The following MTX2 variants were observed in gnomAD, a reference collection of about 807,000 sequenced individuals.
MTX2 encodes the protein metaxin-2.
In MTX2, 35 loss-of-function variants were observed where a neutral mutation model predicts 42.3. That is an observed-to-expected ratio of 0.83 (90% CI 0.63 to 1.10). The LOEUF (loss-of-function observed/expected upper bound fraction) is 1.10. MTX2 is among the 50% of genes least tolerant of loss of function. The pLI, the probability that MTX2 is intolerant of heterozygous loss-of-function variation, is 0.00. For synonymous variants in MTX2, 119 were observed against 100.9 expected, an observed-to-expected ratio of 1.18 and a Z score of -1.08; for missense variants, 307 against 304.1, an observed-to-expected ratio of 1.01 and a Z score of -0.07.
At position 176,269,453 on chromosome 2, in the gene MTX2, G is replaced by C; in HGVS notation, c.-177G>C. The C allele has an allele frequency of 1.5e-6, 1 of 654,266 alleles. No homozygotes were observed. The highest frequency in any genetic ancestry group is 2.4e-6 in the Non-Finnish European group (1 of 415,358). 40.5% of individuals were successfully genotyped at this position (654,266 alleles called of 1,614,324 possible). ...CGGCTGCGCCGGAAGTCCCTAGCCA[G>C]GCCTGGCGGTAACCTTGGGGGCCTC... On this transcript the variant is annotated 5_prime_UTR_variant, in exon 1 of 10. Coordinates refer to ENST00000249442, the MANE Select transcript of MTX2 (RefSeq NM_006554.5).
intron 1 of MTX2, among the ~76,000 whole-genome samples, chr2:176,296,299 A>G (rs1683879809): frequency 6.6e-6 from 1 of 152,162 alleles, no homozygotes; most frequent in Admixed American, 6.6e-5. Context: ...CAAGGCAATG[A>G]AATCTTCTGG....
At chr2:176,273,718 G>A (rs556765630) in intron 1 of MTX2, among the ~76,000 whole-genome samples, 2 of 151,702 alleles carry the variant, frequency 1.3e-5, no homozygotes, top group Non-Finnish European at 2.9e-5. Flanking sequence ...CTCAGTTATC[G>A]TTCCTAAATA....
At chr2:176,332,349 T>C (rs1684882307) in intron 9 of MTX2, among the ~76,000 whole-genome samples, 1 of 151,318 alleles carries the variant, frequency 6.6e-6, no homozygotes, top group Admixed American at 6.6e-5. Flanking sequence ...CATTACTTTG[T>C]GAGATACTAT....
chr2:176,327,711 A>G (rs368332211), intron 5 of MTX2, among the ~76,000 whole-genome samples: 1 of 150,686 alleles, frequency 6.6e-6, no homozygotes, highest in Admixed American at 6.6e-5. Flanking sequence ...TCTTATATAT[A>G]CATCTTTGTA....
chr2:176,337,618 T>G lies in MTX2; in HGVS notation c.746T>G (p.Ile249Ser). Residue 249 changes from isoleucine to serine, a missense_variant, in exon 10 of 10, where the codon ATT (isoleucine) becomes AGT (serine). By Grantham distance (142) the Ile-to-Ser change is moderately radical. Coordinates refer to ENST00000249442, the MANE Select transcript of MTX2 (RefSeq NM_006554.5). ...YSNLLAFCRR[I>S]EQHYFEDRGK... ...AACCTCCTTGCTTTCTGTAGGAGAA[T>G]TGAACAGCACTATTTTGAAGATCGT... 1 of 1,613,046 alleles carries G rather than the reference T, an allele frequency of 6.2e-7. No homozygotes were observed. Among genetic ancestry groups the G allele is most frequent in the Non-Finnish European group, 8.5e-7 (1 of 1,179,422 alleles).
chr2:176,287,403 A>C (rs866364325), intron 1 of MTX2, among the ~76,000 whole-genome samples: 2 of 152,234 alleles, frequency 1.3e-5, no homozygotes. Flanking sequence ...TCCAAAATCC[A>C]AAACTTTTTG....
intron 3 of MTX2, chr2:176,304,198 A>C (rs1353037064): frequency 6.5e-6 from 1 of 154,388 alleles, no homozygotes; most frequent in Non-Finnish European, 1.5e-5. Flanking sequence ...CCCTTGAATG[A>C]ATAGCATCTT....
chr2:176,278,054 T>G (rs925007752), intron 1 of MTX2, among the ~76,000 whole-genome samples: 9 of 135,682 alleles, frequency 6.6e-5, no homozygotes, highest in African/African-American at 1.4e-4. Context: ...TTTTTTTTTT[T>G]TTTTTTTTTT....
At chr2:176,305,961 T>A (rs187676842) in intron 3 of MTX2, among the ~76,000 whole-genome samples, 47 of 152,278 alleles carry the variant, frequency 3.1e-4, no homozygotes, top group Middle Eastern at 3.4e-3. Context: ...ATGTGCACAA[T>A]GTGCAGGTTT....
intron 3 of MTX2, among the ~76,000 whole-genome samples, chr2:176,312,602 G>A (rs892026922): frequency 3.3e-5 from 5 of 151,944 alleles, no homozygotes; most frequent in Admixed American, 6.6e-5. Context: ...GGTGTCTCAC[G>A]CCTGTAATCC....
Position 176,269,551 on chromosome 2 carries a change from C to A in MTX2, c.-79C>A. 1 of 1,475,220 alleles carries A rather than the reference C, an allele frequency of 6.8e-7. No homozygotes were observed. 91.4% of individuals were successfully genotyped at this position (1,475,220 alleles called of 1,614,324 possible). A position where few individuals can be genotyped will look rare whatever the true frequency, so the allele number is the denominator to read the frequency against. On this transcript the variant is annotated 5_prime_UTR_variant, in exon 1 of 10. Transcript: ENST00000249442. ...TGGCGGGGCTAGGCTCGTTAACTGC[C>A]GAGAGCCTCCGGGTTTGCGGTGGAG...
intron 3 of MTX2, among the ~76,000 whole-genome samples, chr2:176,311,049 T>C (rs1022454259): frequency 4.6e-5 from 7 of 152,220 alleles, no homozygotes; most frequent in Admixed American, 2.0e-4. Context: ...CTACCTTTGG[T>C]CTTTGATGTT....
chr2:176,316,248 TC>T (rs1684434193), intron 3 of MTX2, among the ~76,000 whole-genome samples: 1 of 152,192 alleles, frequency 6.6e-6, no homozygotes, highest in African/African-American at 2.4e-5. Context: ...AGAAACAGCC[TC>T]ATGAAAAGCA....
At chr2:176,277,836 A>G (rs1692983632) in intron 1 of MTX2, among the ~76,000 whole-genome samples, 1 of 151,204 alleles carries the variant, frequency 6.6e-6, no homozygotes, top group Non-Finnish European at 1.5e-5. Context: ...AAGAGAATTA[A>G]AAAAAAAACA....
At chr2:176,330,536 G>T in intron 8 of MTX2, 48 bp from the exon 9 acceptor site, 1 of 1,342,268 alleles carries the variant, frequency 7.5e-7, no homozygotes, top group South Asian at 1.6e-5. Context: ...ACTTTTTATT[G>T]TTTTGCTAAT....
chr2:176,314,527 A>G (rs1160500173), intron 3 of MTX2, among the ~76,000 whole-genome samples: 4 of 152,160 alleles, frequency 2.6e-5, no homozygotes. Context: ...ATTTCCTCCA[A>G]CATTTCTTTC....
intron 1 of MTX2, among the ~76,000 whole-genome samples, chr2:176,273,097 A>G (rs1238288979): frequency 6.6e-6 from 1 of 152,222 alleles, no homozygotes; most frequent in African/African-American, 2.4e-5. Flanking sequence ...CAGGGAGGGC[A>G]AGAGCCAGGG....
intron 3 of MTX2, among the ~76,000 whole-genome samples, chr2:176,310,424 TC>T (rs1684275480): frequency 1.3e-5 from 2 of 152,198 alleles, no homozygotes; most frequent in South Asian, 4.1e-4. Context: ...TCTCTGTATT[TC>T]CTGAATTTGG....
At chr2:176,296,296 A>G (rs1241783889) in intron 1 of MTX2, among the ~76,000 whole-genome samples, 3 of 152,178 alleles carry the variant, frequency 2.0e-5, no homozygotes, top group Admixed American at 1.3e-4. Context: ...GGTCAAGGCA[A>G]TGAAATCTTC....
Sources: allele counts gnomAD v4.1 joint callset (sites outside exome capture counted in the v4.1 genomes callset), GRCh38; gene constraint gnomAD v4.1.1; transcripts MANE v1.5; gene names NCBI Gene and HGNC (gene_info 2026-07-23, HGNC 2026-07-21).